EXOC4: variants seen among roughly 807,000 people sequenced by gnomAD.
EXOC4 encodes the protein exocyst complex component 4.
A neutral mutation model predicts 107.2 loss-of-function variants in EXOC4; 71 were observed. The observed-to-expected ratio is 0.66, with a 90% CI of 0.55 to 0.81. The LOEUF is 0.81. Ranked by LOEUF, EXOC4 falls within the 30% of genes least tolerant of loss-of-function variation. The pLI, the probability that EXOC4 is intolerant of heterozygous loss-of-function variation, is 0.00. For missense variants in EXOC4, 1,108 were observed against 1,189.6 expected (o/e 0.93, Z 1.01); for synonymous variants, 456 against 441.2 (o/e 1.03, Z -0.42).
At chr7:133,776,126 CATG>C (rs1218423816) in intron 10 of EXOC4, among the ~76,000 whole-genome samples, 2 of 152,096 alleles carry the variant, frequency 1.3e-5, no homozygotes, top group Non-Finnish European at 2.9e-5. Context: ...AAGTTGCAAG[CATG>C]ATTTTAAAGA....
intron 12 of EXOC4, among the ~76,000 whole-genome samples, chr7:133,899,655 C>G (rs545182788): frequency 2.1e-4 from 32 of 151,846 alleles, no homozygotes; most frequent in Admixed American, 4.6e-4. Flanking sequence ...TATGAACTAT[C>G]TCAGTCATCT....
chr7:133,395,203 G>A (rs1796944509), intron 7 of EXOC4, among the ~76,000 whole-genome samples: 1 of 151,452 alleles, frequency 6.6e-6, no homozygotes, highest in Admixed American at 6.6e-5. Flanking sequence ...ATGTGAAATA[G>A]GGGCATTTAA....
intron 11 of EXOC4, among the ~76,000 whole-genome samples, chr7:133,830,544 G>T (rs1797788028): frequency 6.6e-6 from 1 of 152,148 alleles, no homozygotes; most frequent in Non-Finnish European, 1.5e-5. Flanking sequence ...ACGTGTTTAG[G>T]GGTAGGGTAC....
intron 11 of EXOC4, among the ~76,000 whole-genome samples, chr7:133,849,187 G>A (rs76474242): frequency 2.0e-5 from 3 of 152,200 alleles, no homozygotes; most frequent in Non-Finnish European, 2.9e-5. Flanking sequence ...AGTGCAATGG[G>A]AGGTGGTAGG....
At chr7:133,420,607 G>GGTGTGGAT (rs1797582785) in intron 7 of EXOC4, among the ~76,000 whole-genome samples, 1 of 152,094 alleles carries the variant, frequency 6.6e-6, no homozygotes, top group East Asian at 1.9e-4. Context: ...ACACACAAAA[G>GGTGTGGAT]CGTGGACAGT....
chr7:133,907,199 A>G (rs527401996), intron 12 of EXOC4, among the ~76,000 whole-genome samples: 4 of 152,274 alleles, frequency 2.6e-5, no homozygotes, highest in East Asian at 1.9e-4. Flanking sequence ...AGTACCAAAA[A>G]CATTATAAAA....
At chr7:133,572,085 G>A (rs965359488) in intron 9 of EXOC4, among the ~76,000 whole-genome samples, 1 of 152,190 alleles carries the variant, frequency 6.6e-6, no homozygotes, top group Non-Finnish European at 1.5e-5. Context: ...AAAATATACA[G>A]TGGTGTATAC....
chr7:133,676,706 A>C (rs1794065260), intron 10 of EXOC4, among the ~76,000 whole-genome samples: 1 of 152,152 alleles, frequency 6.6e-6, no homozygotes, highest in African/African-American at 2.4e-5. Flanking sequence ...CTCTCTAATT[A>C]AGTAAATAAA....
At chr7:134,081,707 C>G in the EXOC4 span, among the ~76,000 whole-genome samples, 825 of 152,172 alleles carry the variant, frequency 5.4e-3, 11 homozygotes, top group African/African-American at 0.019. Context: ...GGTAGGTTCC[C>G]AGGTTTCTAG....
At chr7:133,716,395 A>G (rs914051400) in intron 10 of EXOC4, among the ~76,000 whole-genome samples, 3 of 152,236 alleles carry the variant, frequency 2.0e-5, no homozygotes, top group African/African-American at 7.2e-5. Context: ...TATACAGATA[A>G]GGATTTAGAA....
At chr7:133,458,337 G>A (rs1436472757) in intron 7 of EXOC4, among the ~76,000 whole-genome samples, 2 of 152,130 alleles carry the variant, frequency 1.3e-5, no homozygotes, top group African/African-American at 4.8e-5. Flanking sequence ...CCAAAGACAT[G>A]GTTTTGCTTT....
chr7:133,265,050 T>G (rs1164534848), intron 1 of EXOC4, among the ~76,000 whole-genome samples: 1 of 152,148 alleles, frequency 6.6e-6, no homozygotes, highest in East Asian at 1.9e-4. Context: ...TAAAAGCAGT[T>G]TGGGAAAGAA....
intron 6 of EXOC4, among the ~76,000 whole-genome samples, chr7:133,365,919 G>C (rs1796240840): frequency 6.6e-6 from 1 of 152,114 alleles, no homozygotes; most frequent in South Asian, 2.1e-4. Context: ...TTACCTTTTA[G>C]AGCATAATCG....
chr7:133,576,380 T>C, intron 9 of EXOC4: 1 of 921,156 alleles, frequency 1.1e-6, no homozygotes, highest in East Asian at 6.3e-5. Flanking sequence ...GGCTTGTTTC[T>C]TTCATTTTAA....
intron 13 of EXOC4, among the ~76,000 whole-genome samples, chr7:133,928,932 T>TC (rs1800112433): frequency 7.6e-6 from 1 of 131,646 alleles, no homozygotes; most frequent in Non-Finnish European, 1.6e-5. Flanking sequence ...CTTTTTTTTT[T>TC]TTTTTTTTTT....
chr7:134,045,088 GA>G (rs1459415077), intron 17 of EXOC4, among the ~76,000 whole-genome samples: 6 of 152,180 alleles, frequency 3.9e-5, no homozygotes, highest in Non-Finnish European at 7.3e-5. Flanking sequence ...AGGTGTATGT[GA>G]AAGGACCTGG....
At chr7:133,841,135 T>C (rs1316757722) in intron 11 of EXOC4, among the ~76,000 whole-genome samples, 1 of 152,158 alleles carries the variant, frequency 6.6e-6, no homozygotes, top group Non-Finnish European at 1.5e-5. Context: ...CTGCCTTTTC[T>C]CTGGAACCTC....
chr7:133,689,524 G>C lies in EXOC4; in HGVS notation c.1514+59383G>C, dbSNP rs535921993. On this transcript the variant is annotated intron_variant, in intron 10 of 17. Coordinates refer to ENST00000253861, the MANE Select transcript of EXOC4 (RefSeq NM_021807.4). ...AAACATCAAGGGTAACAGTGTTCTG[G>C]CTAAACCAACTTGATAGGATTATTG... is the stretch of plus-strand genomic sequence containing the variant. Among the ~76,000 whole-genome samples the C allele has an allele frequency of 5.1e-4, 77 of 152,298 alleles. 1 individual carries two copies. The highest frequency in any genetic ancestry group is 6.8e-3 in the Middle Eastern group (2 of 294).
At chr7:133,707,781 A>G (rs867536875) in intron 10 of EXOC4, among the ~76,000 whole-genome samples, 9 of 151,936 alleles carry the variant, frequency 5.9e-5, no homozygotes, top group Middle Eastern at 3.2e-3. Context: ...ACGCCTGGCT[A>G]ATTTTTGTAT....
Sources: allele counts gnomAD v4.1 joint callset (sites outside exome capture counted in the v4.1 genomes callset), GRCh38; gene constraint gnomAD v4.1.1; transcripts MANE v1.5; gene names NCBI Gene and HGNC (gene_info 2026-07-23, HGNC 2026-07-21).